Variants in GALNT13 observed in about 807,000 individuals in gnomAD.
The protein encoded by GALNT13 is UDP-GalNAc:polypeptide N-acetylgalactosaminyltransferase 13.
GALNT13 carries 28 observed loss-of-function variants against 64.2 expected under a neutral mutation model. The ratio of observed to expected loss-of-function variants is 0.44; its 90% confidence interval spans 0.32 to 0.60. The LOEUF is 0.60. Ranked by LOEUF, GALNT13 falls within the 20% of genes least tolerant of loss-of-function variation. The pLI is 0.05. For missense variants in GALNT13, 577 were observed against 669.8 expected (o/e 0.86, Z 1.53); for synonymous variants, 214 against 224.6 (o/e 0.95, Z 0.42).
chr2:154,098,582 C>T (rs1256247695), intron 3 of GALNT13, among the ~76,000 whole-genome samples: 2 of 151,946 alleles, frequency 1.3e-5, no homozygotes, highest in Non-Finnish European at 2.9e-5. Context: ...GGTAATTTTT[C>T]AACCCTTATA....
At chr2:154,036,032 C>A (rs28448487) in intron 3 of GALNT13, among the ~76,000 whole-genome samples, 30,984 of 151,780 alleles carry the variant, frequency 0.2, 4,060 homozygotes, top group Middle Eastern at 0.33. Context: ...TAACTTGTTT[C>A]TAATAAGAGC....
the GALNT13 span, among the ~76,000 whole-genome samples, chr2:153,235,341 C>T: frequency 6.6e-6 from 1 of 152,066 alleles, no homozygotes; most frequent in Non-Finnish European, 1.5e-5. Context: ...AGCAAAAGTA[C>T]ACTCTGATGG....
chr2:153,390,011 C>T, the GALNT13 span, among the ~76,000 whole-genome samples: 2 of 152,166 alleles, frequency 1.3e-5, no homozygotes, highest in Admixed American at 6.5e-5. Context: ...CACATGCACA[C>T]GTATGTTTAT....
chr2:153,256,629 G>T, the GALNT13 span, among the ~76,000 whole-genome samples: 2 of 152,204 alleles, frequency 1.3e-5, no homozygotes, highest in African/African-American at 4.8e-5. Context: ...GGATGGTGAT[G>T]TACAGATGGG....
intron 7 of GALNT13, among the ~76,000 whole-genome samples, chr2:154,250,772 A>AGTCC (rs1559048722): frequency 6.6e-6 from 1 of 152,072 alleles, no homozygotes; most frequent in East Asian, 1.9e-4. Flanking sequence ...GACTTTTCTC[A>AGTCC]ATCCAACCAT....
the GALNT13 span, among the ~76,000 whole-genome samples, chr2:153,296,289 A>T: frequency 1.3e-5 from 2 of 152,124 alleles, no homozygotes; most frequent in Non-Finnish European, 2.9e-5. Context: ...TTCCTGGAGA[A>T]TTTCTGTTTC....
the GALNT13 span, among the ~76,000 whole-genome samples, chr2:153,290,394 A>G: frequency 6.6e-6 from 1 of 152,136 alleles, no homozygotes; most frequent in East Asian, 1.9e-4. Flanking sequence ...ATTTGTGGGT[A>G]TTTAATTTTT....
At chr2:153,081,050 A>G in the GALNT13 span, among the ~76,000 whole-genome samples, 57 of 152,124 alleles carry the variant, frequency 3.7e-4, no homozygotes, top group Admixed American at 3.6e-3. Flanking sequence ...TGTGCTTCTT[A>G]TATATAGCAT....
chr2:154,338,810 G>T (rs1267951848), intron 9 of GALNT13, among the ~76,000 whole-genome samples: 1 of 151,980 alleles, frequency 6.6e-6, no homozygotes, highest in Non-Finnish European at 1.5e-5. Flanking sequence ...TAAGGTGTGG[G>T]CTCTGTCATG....
the GALNT13 span, among the ~76,000 whole-genome samples, chr2:153,089,208 A>G: frequency 6.6e-6 from 1 of 152,172 alleles, no homozygotes; most frequent in African/African-American, 2.4e-5. Context: ...TCTGAAAAAG[A>G]CCTTACCTCT....
chr2:154,429,406 T>C (rs559222227), intron 11 of GALNT13, among the ~76,000 whole-genome samples: 14 of 152,298 alleles, frequency 9.2e-5, no homozygotes, highest in African/African-American at 3.1e-4. Context: ...GTGGTTTGAA[T>C]AGAAGATCAA....
At chr2:154,129,065 A>C (rs903822725) in intron 3 of GALNT13, among the ~76,000 whole-genome samples, 2 of 152,160 alleles carry the variant, frequency 1.3e-5, no homozygotes, top group African/African-American at 2.4e-5. Context: ...GAGATCAGTG[A>C]TATTTTAACC....
At chr2:154,307,675 G>A (rs575406615) in intron 9 of GALNT13, among the ~76,000 whole-genome samples, 35 of 151,714 alleles carry the variant, frequency 2.3e-4, no homozygotes, top group Non-Finnish European at 4.7e-4. Context: ...ATACTATATA[G>A]CATCAAATAC....
chr2:154,266,655 A>G (rs927045671), intron 8 of GALNT13, among the ~76,000 whole-genome samples: 14 of 151,988 alleles, frequency 9.2e-5, no homozygotes, highest in African/African-American at 3.4e-4. Flanking sequence ...AGTAGACTCA[A>G]TATGATATTA....
chr2:153,598,640 G>GT, the GALNT13 span, among the ~76,000 whole-genome samples: 1 of 152,016 alleles, frequency 6.6e-6, no homozygotes, highest in African/African-American at 2.4e-5. Context: ...CTGGCACATT[G>GT]TAAGTACACA....
chr2:153,705,882 A>G, the GALNT13 span, among the ~76,000 whole-genome samples: 1 of 152,246 alleles, frequency 6.6e-6, no homozygotes, highest in African/African-American at 2.4e-5. Flanking sequence ...AATTTTGCTT[A>G]GCACTATTTC....
chr2:153,104,212 A>G, the GALNT13 span, among the ~76,000 whole-genome samples: 1 of 152,182 alleles, frequency 6.6e-6, no homozygotes, highest in African/African-American at 2.4e-5. Context: ...CCTTCTAAAA[A>G]TATAATTGTT....
intron 7 of GALNT13, among the ~76,000 whole-genome samples, chr2:154,253,133 A>G (rs1408596567): frequency 6.6e-6 from 1 of 152,158 alleles, no homozygotes; most frequent in African/African-American, 2.4e-5. Flanking sequence ...TCCACATTTT[A>G]TAGGTGATGA....
intron 3 of GALNT13, among the ~76,000 whole-genome samples, chr2:154,062,675 A>G (rs868090878): frequency 3.9e-5 from 6 of 152,328 alleles, no homozygotes; most frequent in African/African-American, 1.4e-4. Context: ...ATCTGCTCCC[A>G]TGATCTAATC....
Sources: allele counts gnomAD v4.1 joint callset (sites outside exome capture counted in the v4.1 genomes callset), GRCh38; gene constraint gnomAD v4.1.1; transcripts MANE v1.5; gene names NCBI Gene and HGNC (gene_info 2026-07-23, HGNC 2026-07-21).